Variants in BCAS3 observed in about 807,000 individuals in gnomAD.
BCAS3 encodes the protein BCAS4/BCAS3 fusion.
Under a neutral mutation model 116.1 loss-of-function variants are expected in BCAS3, and 53 were observed. The ratio of observed to expected loss-of-function variants is 0.46; its 90% CI spans 0.37 to 0.57. The LOEUF (loss-of-function observed/expected upper bound fraction) is 0.57. Ranked by LOEUF, BCAS3 falls within the 20% of genes least tolerant of loss-of-function variation. The pLI is 0.00. For missense variants in BCAS3, 917 were observed against 1,165.4 expected (o/e 0.79, Z 3.10); for synonymous variants, 391 against 408.2 (o/e 0.96, Z 0.51).
chr17:60,927,264 GT>G (rs1479322876), intron 13 of BCAS3, among the ~76,000 whole-genome samples: 15 of 144,796 alleles, frequency 1.0e-4, no homozygotes, highest in Admixed American at 4.8e-4. Flanking sequence ...TTTTTTGTTT[GT>G]TTTTTTTTTG....
In BCAS3 at chr17:61,354,885, C is replaced by G. The variant is rs139552214; in HGVS notation, c.2426-13442C>G. The stretch of plus-strand genomic sequence containing the variant: ...GTATCAAACGGGTCAACTCCAGTAC[C>G]GGCAGGCACATCCGGGACCCTCCCC... On this transcript the variant is annotated intron_variant, in intron 22 of 23. Coordinates refer to ENST00000407086, the MANE Select transcript of BCAS3 (RefSeq NM_017679.5). The surrounding 1 kb of genome is among the most constrained non-coding windows in gnomAD (Gnocchi z 4.5). 1 of 152,230 alleles carries G rather than the reference C, an allele frequency of 6.6e-6. No homozygotes were observed. The highest frequency in any genetic ancestry group is 1.5e-5 in the Non-Finnish European group (1 of 68,058). 9.4% of individuals were successfully genotyped at this position (152,230 alleles called of 1,614,324 possible).
chr17:61,284,432 A>G (rs541581488), intron 22 of BCAS3, among the ~76,000 whole-genome samples: 3 of 152,318 alleles, frequency 2.0e-5, no homozygotes, highest in African/African-American at 7.2e-5. Flanking sequence ...AGGAAGAAAC[A>G]CTGGACACAT....
Position 61,261,404 on chromosome 17 carries a change from T to A in BCAS3, c.2426-106923T>A, listed in dbSNP as rs1474678874. On this transcript the variant is annotated intron_variant, in intron 22 of 23. Transcript: ENST00000407086. This position sits in a 1 kb window ranked among gnomAD's most constrained non-coding sequence, Gnocchi z 4.4. ...TTATAAGTCAGCCTTGCTTGATTAC[T>A]CCTTTTAATTCAAGGCTCAAAACAG... Among the ~76,000 whole-genome samples, 1 of 152,240 alleles carries A rather than the reference T, an allele frequency of 6.6e-6. No homozygotes were observed. The highest frequency in any genetic ancestry group is 6.5e-5 in the Admixed American group (1 of 15,288).
chr17:60,852,931 A>G (rs1250549739), intron 7 of BCAS3, among the ~76,000 whole-genome samples: 8 of 152,194 alleles, frequency 5.3e-5, no homozygotes, highest in Admixed American at 5.2e-4. Context: ...AGATTAACCA[A>G]TTGCCCTCCT....
intron 7 of BCAS3, chr17:60,811,400 C>T: frequency 8.1e-6 from 5 of 618,256 alleles, no homozygotes; most frequent in Non-Finnish European, 1.5e-5. Flanking sequence ...GACCACCTCT[C>T]CCAGGATAGT....
At chr17:60,863,065 T>G (rs1247164173) in intron 7 of BCAS3, among the ~76,000 whole-genome samples, 1 of 152,210 alleles carries the variant, frequency 6.6e-6, no homozygotes, top group Non-Finnish European at 1.5e-5. Flanking sequence ...TATTATATTT[T>G]TAGACTTATG....
chr17:61,084,513 C>A lies in BCAS3; in HGVS notation c.2374C>A (p.Arg792Ser), dbSNP rs572795899. The part of the protein sequence containing the change: ...SDPVSMPGSS[R>S]PVSDRRGVST... ...CCCCGTCAGCATGCCAGGGTCATCC[C>A]GTCCAGTCTCTGATCGAAGGGGAGT... Residue 792 changes from arginine (R) to serine (S), a missense_variant, in exon 22 of 24, where the codon CGT becomes AGT. By Grantham distance (110) the Arg-to-Ser change is moderately radical. Around this residue, in one of 3 missense-constraint regions of BCAS3, gnomAD observed 807 missense variants for 1,026.0 expected, o/e 0.79. Coordinates refer to ENST00000407086, the MANE Select transcript of BCAS3 (RefSeq NM_017679.5). This position sits in a 1 kb window ranked among gnomAD's most constrained non-coding sequence, Gnocchi z 5.5. 5 of 1,614,128 alleles carry A rather than the reference C, an allele frequency of 3.1e-6. No individual in the cohort carries two copies. The East Asian group carries it at 8.9e-5, about 29-fold the overall frequency.
intron 22 of BCAS3, among the ~76,000 whole-genome samples, chr17:61,174,420 C>G (rs768587769): frequency 1.3e-5 from 2 of 152,208 alleles, no homozygotes; most frequent in Non-Finnish European, 2.9e-5. Context: ...GGTCATTTGT[C>G]CTTACATGCC....
intron 22 of BCAS3, among the ~76,000 whole-genome samples, chr17:61,218,735 T>G (rs2081944985): frequency 6.6e-6 from 1 of 152,250 alleles, no homozygotes; most frequent in Admixed American, 6.5e-5. Flanking sequence ...CAGTTCTCAG[T>G]TTGCTATGAG....
In BCAS3 at chr17:61,286,933, T is replaced by C. The variant is rs2051855788; in HGVS notation, c.2426-81394T>C. Among the ~76,000 whole-genome samples the C allele has an allele frequency of 6.6e-6, 1 of 152,150 alleles. No individual in the cohort carries two copies. The highest frequency in any genetic ancestry group is 6.5e-5 in the Admixed American group (1 of 15,270). On this transcript the variant is annotated intron_variant, in intron 22 of 23. Coordinates refer to ENST00000407086, the MANE Select transcript of BCAS3 (RefSeq NM_017679.5). The surrounding 1 kb of genome is among the most constrained non-coding windows in gnomAD (Gnocchi z 4.8). ...GACACCAGAGATGCAACTAGAAAGA[T>C]GCCATGGTCTTTACACCTAAAGAGC...
At chr17:61,015,016 G>A (rs1038457107) in intron 15 of BCAS3, among the ~76,000 whole-genome samples, 2 of 152,264 alleles carry the variant, frequency 1.3e-5, no homozygotes, top group South Asian at 4.1e-4. Flanking sequence ...GGCATCCTAA[G>A]TTCTTGGATT....
chr17:61,076,137 T>C (rs753884849), intron 20 of BCAS3, among the ~76,000 whole-genome samples: 1 of 152,184 alleles, frequency 6.6e-6, no homozygotes, highest in African/African-American at 2.4e-5. Context: ...TAAAAGATAC[T>C]TGGGCAGATG....
rs978425627 is a variant in BCAS3 at position 60,684,007 on chromosome 17, G to A, written c.109G>A (p.Val37Met). Residue 37 changes from valine to methionine, a missense_variant, in exon 3 of 24, where the codon GTG (valine) becomes ATG (methionine). Around this residue, in one of 3 missense-constraint regions of BCAS3, gnomAD observed 807 missense variants for 1,026.0 expected, o/e 0.79. Coordinates refer to ENST00000407086, the MANE Select transcript of BCAS3 (RefSeq NM_017679.5). ...VTEQSYMESV[V>M]TFLQDVVPQA... ...AGAGCAGTCCTACATGGAAAGTGTTGTGACTTTTCTGCAGGATGTTGTGCC... is the reference window on the plus strand; with the variant it reads ...AGAGCAGTCCTACATGGAAAGTGTTATGACTTTTCTGCAGGATGTTGTGCC... 1 of 1,613,850 alleles carries A rather than the reference G, an allele frequency of 6.2e-7. No homozygotes were observed. Among genetic ancestry groups the A allele is most frequent in the African/African-American group, 1.3e-5 (1 of 74,922 alleles).
At chr17:61,154,472 G>T (rs545068801) in intron 22 of BCAS3, among the ~76,000 whole-genome samples, 1 of 148,694 alleles carries the variant, frequency 6.7e-6, no homozygotes, top group East Asian at 2.0e-4. Flanking sequence ...GTCTCCCTCT[G>T]TTGCCCAGGC....
intron 22 of BCAS3, among the ~76,000 whole-genome samples, chr17:61,102,220 G>A (rs2143669480): frequency 6.6e-6 from 1 of 152,170 alleles, no homozygotes; most frequent in East Asian, 1.9e-4. Flanking sequence ...GTATGCATCT[G>A]TTTTCATGAA....
At chr17:60,767,093 GTGCAGTC>G (rs1435935245) in intron 6 of BCAS3, among the ~76,000 whole-genome samples, 2 of 152,190 alleles carry the variant, frequency 1.3e-5, no homozygotes, top group African/African-American at 4.8e-5. Context: ...GATTTTCCCA[GTGCAGTC>G]TGTCACAGCT....
intron 15 of BCAS3, among the ~76,000 whole-genome samples, chr17:61,011,471 A>C (rs2065110618): frequency 6.6e-6 from 1 of 152,076 alleles, no homozygotes; most frequent in Admixed American, 6.6e-5. Context: ...CGTGAGACTA[A>C]GCAGAATAGT....
In BCAS3 at chr17:61,171,370, A is replaced by AC. The variant is rs1349954191; in HGVS notation, c.2425+86806_2425+86807insC. Among the ~76,000 whole-genome samples, 2 of 152,040 alleles carry AC rather than the reference A, an allele frequency of 1.3e-5. No homozygotes were observed. Among genetic ancestry groups the AC allele is most frequent in the Admixed American group, 1.3e-4 (2 of 15,268 alleles). Reference sequence around the variant, plus strand: ...AACAACACATGGGAACCAAAAAGAAAAAAATGGAACAAAGAATAAATGTAT... The same window carrying AC: ...AACAACACATGGGAACCAAAAAGAAACAAAATGGAACAAAGAATAAATGTAT... On this transcript the variant is annotated intron_variant, in intron 22 of 23. Transcript: ENST00000407086. The surrounding 1 kb of genome is among the most constrained non-coding windows in gnomAD (Gnocchi z 4.1).
intron 12 of BCAS3, among the ~76,000 whole-genome samples, chr17:60,923,013 G>A (rs912709419): frequency 6.6e-6 from 1 of 152,104 alleles, no homozygotes; most frequent in Non-Finnish European, 1.5e-5. Flanking sequence ...AATAATCTAA[G>A]TGTTTCCCTT....
Sources: gnomAD v4.1 joint callset for allele counts (sites outside exome capture counted in the v4.1 genomes callset) on GRCh38, gnomAD v4.1.1 for gene constraint, gnomAD v4.1.1 regional missense constraint, Gnocchi (gnomAD v3.1) non-coding constraint, MANE v1.5 for transcripts, NCBI Gene and HGNC (gene_info 2026-07-23, HGNC 2026-07-21) for gene names.